SYNPO: variants seen among roughly 807,000 people sequenced by gnomAD.
SYNPO encodes synaptopodin.
Under a neutral mutation model 49.5 loss-of-function variants are expected in SYNPO, and 19 were observed. That is an observed-to-expected ratio of 0.38 (90% CI 0.27 to 0.56). The LOEUF (loss-of-function observed/expected upper bound fraction) is 0.56. Among genes scored for constraint, SYNPO ranks in the 20% least tolerant of loss-of-function variants. SYNPO has a pLI of 0.68. For synonymous variants in SYNPO, 536 were observed against 548.0 expected (o/e 0.98, Z 0.31); for missense variants, 1,131 against 1,248.3 (o/e 0.91, Z 1.42).
upstream of SYNPO, among the ~76,000 whole-genome samples, chr5:150,637,923 C>T (rs980649282): frequency 1.5e-4 from 23 of 152,098 alleles, no homozygotes; most frequent in African/African-American, 2.2e-4. Flanking sequence ...GTAACCCACC[C>T]GGAGGCCCAG....
In SYNPO at chr5:150,620,899, C is replaced by CTT. The variant is rs1014762340; in HGVS notation, c.400+2133_400+2134insTT. Among the ~76,000 whole-genome samples, 94 of 108,920 alleles carry CTT rather than the reference C, an allele frequency of 8.6e-4. 2 individuals are homozygous for CTT. Among genetic ancestry groups the CTT allele is most frequent in the Admixed American group, 5.8e-3 (56 of 9,586 alleles). The allele number at this position is 108,920 out of a possible 152,430, so 71.5% of individuals were successfully genotyped here. ...TTTCTTTTTCTTTTTTTCTTTTTTT[C>CTT]TCTTTCTTTCTTTCTTTCTTTCTTT... On this transcript the variant is annotated intron_variant, in intron 2 of 2. Transcript: ENST00000394243.
intron 1 of SYNPO, among the ~76,000 whole-genome samples, chr5:150,644,420 T>C (rs1758017312): frequency 6.6e-6 from 1 of 152,222 alleles, no homozygotes; most frequent in Non-Finnish European, 1.5e-5. Flanking sequence ...CGTGTAGCTC[T>C]GGAATCTCCT....
chr5:150,643,666 C>G (rs1757987829), intron 1 of SYNPO, among the ~76,000 whole-genome samples: 1 of 152,162 alleles, frequency 6.6e-6, no homozygotes, highest in Admixed American at 6.5e-5. Context: ...TCCCAAGTAG[C>G]TGGGATTACA....
At chr5:150,635,780 T>A (rs943391556), upstream of SYNPO, among the ~76,000 whole-genome samples, 1 of 152,202 alleles carries the variant, frequency 6.6e-6, no homozygotes, top group Middle Eastern at 3.2e-3. Flanking sequence ...TTCTTATTCG[T>A]GTCCTACCTC....
intron 1 of SYNPO, among the ~76,000 whole-genome samples, chr5:150,647,103 C>A (rs2151419704): frequency 6.6e-6 from 1 of 152,252 alleles, no homozygotes. Flanking sequence ...ATTAGCCGGG[C>A]ATGGTGGCAC....
Position 150,648,809 on chromosome 5 carries a change from C to A in SYNPO, c.534C>A (p.Pro178=). ...TCTCCAGAGAAGCTACGCTCATCCC[C>A]AGCTCCAGGCCCCCAGCCTCAGATT... The part of the protein sequence containing the change: ...STFSREATLI[P]SSRPPASDFM... Residue 178 remains proline, a synonymous_variant, in exon 2 of 3, where the codon CCC becomes CCA. Transcript: ENST00000307662. This position sits in a 1 kb window ranked among gnomAD's most constrained non-coding sequence, Gnocchi z 5.0. The A allele has an allele frequency of 6.2e-7, 1 of 1,614,258 alleles. No individual in the cohort carries two copies. The highest frequency in any genetic ancestry group is 8.5e-7 in the Non-Finnish European group (1 of 1,180,038).
intron 2 of SYNPO, among the ~76,000 whole-genome samples, chr5:150,619,038 A>G (rs1757067089): frequency 7.6e-6 from 1 of 132,124 alleles, no homozygotes; most frequent in African/African-American, 3.4e-5. Context: ...TGCTTGGCTA[A>G]AAAAAAAAAA....
chr5:150,628,066 G>GTGTGTGTGTGTGTGT (rs1561643374), intron 2 of SYNPO, among the ~76,000 whole-genome samples: 1 of 150,300 alleles, frequency 6.7e-6, no homozygotes, highest in African/African-American at 2.5e-5. Context: ...GTGTGTGTGT[G>GTGTGTGTGTGTGTGT]GTCAGAGTCT....
chr5:150,598,233 A>G (rs1203547760), upstream of SYNPO, among the ~76,000 whole-genome samples: 6 of 152,230 alleles, frequency 3.9e-5, no homozygotes, highest in Admixed American at 6.5e-5. Context: ...AATGTTCACG[A>G]ATGCCAATTC....
chr5:150,636,133 G>A (rs554297798), upstream of SYNPO, among the ~76,000 whole-genome samples: 2 of 152,210 alleles, frequency 1.3e-5, no homozygotes, highest in South Asian at 4.2e-4. Context: ...GCCTGTGAAC[G>A]GTGCCTGGCC....
At chr5:150,618,064 C>T (rs972865202) in intron 1 of SYNPO, 3 of 275,142 alleles carry the variant, frequency 1.1e-5, no homozygotes, top group Admixed American at 9.7e-5. Flanking sequence ...CCCAAGCGAG[C>T]TTTCTCATGT....
the SYNPO span, among the ~76,000 whole-genome samples, chr5:150,591,596 G>A: frequency 4.2e-5 from 6 of 143,798 alleles, no homozygotes; most frequent in Non-Finnish European, 7.4e-5. Flanking sequence ...TGTTACTTAC[G>A]TAACAGTTTT....
rs147931554 is a variant in SYNPO, at chr5:150,649,324, A to G, written c.1049A>G (p.Lys350Arg). 21 of 1,613,998 alleles carry G rather than the reference A, an allele frequency of 1.3e-5. No individual in the cohort carries two copies. Among genetic ancestry groups the G allele is most frequent in the East Asian group, 2.2e-5 (1 of 44,894 alleles). Residue 350 changes from lysine to arginine, a missense_variant, in exon 2 of 3, where the codon AAG (lysine) becomes AGG (arginine). Coordinates refer to ENST00000307662, the MANE Select transcript of SYNPO (RefSeq NM_007286.6). ...YSVLYPSSDP[K>R]SSHLKGQAVP... ...GTCCTGTATCCCAGCTCCGACCCCA[A>G]GTCTTCTCATCTGAAGGGCCAGGCG...
intron 2 of SYNPO, among the ~76,000 whole-genome samples, chr5:150,626,980 G>A (rs1053102875): frequency 6.6e-6 from 1 of 152,140 alleles, no homozygotes; most frequent in Non-Finnish European, 1.5e-5. Flanking sequence ...GTGTCTTCCT[G>A]AGCCCACGTC....
chr5:150,596,608 CA>C (rs1213370117), upstream of SYNPO, among the ~76,000 whole-genome samples: 2 of 152,058 alleles, frequency 1.3e-5, no homozygotes. Context: ...CAGGACGGCT[CA>C]TGTGTCAGAG....
At chr5:150,596,764 G>C (rs368594183), upstream of SYNPO, among the ~76,000 whole-genome samples, 37 of 152,256 alleles carry the variant, frequency 2.4e-4, no homozygotes, top group African/African-American at 8.9e-4. Flanking sequence ...CAAGGGTAGG[G>C]GACCCAGAAG....
intron 2 of SYNPO, among the ~76,000 whole-genome samples, chr5:150,623,032 T>G (rs1757230624): frequency 6.6e-6 from 1 of 152,196 alleles, no homozygotes; most frequent in African/African-American, 2.4e-5. Context: ...CACTGGCACA[T>G]ACCTTCCTGA....
At chr5:150,635,187 C>T (rs1045668475) in intron 2 of SYNPO, among the ~76,000 whole-genome samples, 11 of 152,272 alleles carry the variant, frequency 7.2e-5, no homozygotes, top group African/African-American at 2.7e-4. Context: ...CGTGTACCTG[C>T]GGGTGCTCAG....
chr5:150,641,902 G>A (rs1757923537), intron 1 of SYNPO, among the ~76,000 whole-genome samples: 1 of 152,234 alleles, frequency 6.6e-6, no homozygotes, highest in Non-Finnish European at 1.5e-5. Context: ...TCATCCAAGA[G>A]CACTGGAGCC....
Sources: gnomAD v4.1 joint callset for allele counts (sites outside exome capture counted in the v4.1 genomes callset) on GRCh38, gnomAD v4.1.1 for gene constraint, Gnocchi (gnomAD v3.1) non-coding constraint, MANE v1.5 for transcripts, NCBI Gene and HGNC (gene_info 2026-07-23, HGNC 2026-07-21) for gene names.